Variants in OFD1 observed in about 807,000 individuals in gnomAD.
OFD1 encodes centriole and centriolar satellite protein OFD1.
Under a neutral mutation model 81.4 loss-of-function variants are expected in OFD1, and 12 were observed. The observed-to-expected ratio is 0.15, with a 90% CI of 0.09 to 0.24. The LOEUF is 0.24. Among genes scored for constraint, OFD1 ranks in the 10% least tolerant of loss-of-function variants. The pLI, the probability that OFD1 is intolerant of heterozygous loss-of-function variation, is 1.00. For missense variants in OFD1, 685 were observed against 733.9 expected, an observed-to-expected ratio of 0.93 and a Z score of 0.77; for synonymous variants, 256 against 263.7, an observed-to-expected ratio of 0.97 and a Z score of 0.28.
chrX:13,752,967 G>A, intron 10 of OFD1: 1 of 902,733 alleles, frequency 1.1e-6, no homozygotes, highest in African/African-American at 2.1e-5. Context: ...TTGGTTGGGG[G>A]TGGGCAGATG....
intron 3 of OFD1, among the ~76,000 whole-genome samples, chrX:13,738,112 G>T (rs2046944155): frequency 8.9e-6 from 1 of 112,253 alleles, no homozygotes; most frequent in Non-Finnish European, 1.9e-5. Flanking sequence ...ATCTCCCAAA[G>T]AGCTGGGATA....
chrX:13,768,373 C>CT, intron 21 of OFD1, 149 bp downstream of exon 21: 3 of 503,558 alleles, frequency 6.0e-6, no homozygotes, highest in Non-Finnish European at 1.0e-5. Context: ...AACCTTGAGT[C>CT]TTTTAAATAT....
In OFD1 at chrX:13,734,770, C is replaced by T. The variant is rs903619265; in HGVS notation, c.-302C>T. 16 of 1,056,966 alleles carry T rather than the reference C, an allele frequency of 1.5e-5. No homozygotes were observed. The highest frequency in any genetic ancestry group is 1.2e-4 in the Admixed American group (3 of 24,048). The allele number at this position is 1,056,966 out of a possible 1,213,427, so 87.1% of individuals were successfully genotyped here. On this transcript the variant is annotated 5_prime_UTR_variant, in exon 1 of 23. Coordinates refer to ENST00000340096, the MANE Select transcript of OFD1 (RefSeq NM_003611.3). ...CGGACTGGCTGTGAGGCGGTCCTGC[C>T]TCGCTGCCTTCAGTCCCTAGTGTCT...
At position 13,744,496 on chromosome X, in the gene OFD1, C is replaced by T. The variant is rs756793358; in HGVS notation, c.494C>T (p.Ser165Leu). Residue 165 changes from serine to leucine, a missense_variant, in exon 6 of 23, where the codon TCG (serine) becomes TTG (leucine). By Grantham distance (145) the Ser-to-Leu change is moderately radical (BLOSUM62 -2). Around this residue, in one of 3 missense-constraint regions of OFD1, gnomAD observed 414 missense variants for 447.2 expected, o/e 0.93. Coordinates refer to ENST00000340096, the MANE Select transcript of OFD1 (RefSeq NM_003611.3). ...TGTAATATGGAAACTCAGACAAGTTCGACATTTAACAGAGATTCTCTGGGT... is the reference window on the plus strand; with the variant it reads ...TGTAATATGGAAACTCAGACAAGTTTGACATTTAACAGAGATTCTCTGGGT... The part of the protein sequence containing the change: ...ESCNMETQTS[S>L]TFNRDSLAEK... The T allele has an allele frequency of 1.8e-5, 21 of 1,143,326 alleles. No homozygotes were observed. Among genetic ancestry groups the T allele is most frequent in the South Asian group, 5.4e-5 (3 of 55,318 alleles). 94.2% of individuals were successfully genotyped at this position (1,143,326 alleles called of 1,213,427 possible). A position where few individuals can be genotyped will look rare whatever the true frequency, so the allele number is the denominator to read the frequency against.
intron 15 of OFD1, among the ~76,000 whole-genome samples, chrX:13,759,194 G>A (rs1435777022): frequency 8.9e-6 from 1 of 111,956 alleles, no homozygotes; most frequent in African/African-American, 3.3e-5. Context: ...CTGGGTCTGA[G>A]CCTTCCTTGT....
intron 5 of OFD1, 24 bp downstream of exon 5, chrX:13,739,056 G>A (rs2046985260): frequency 8.5e-7 from 1 of 1,180,659 alleles, no homozygotes; most frequent in Non-Finnish European, 1.1e-6. Flanking sequence ...TCTTTGTAGA[G>A]AACAGCAACA....
At chrX:13,770,747 G>GC (rs2048280340), downstream of OFD1, among the ~76,000 whole-genome samples, 1 of 111,991 alleles carries the variant, frequency 8.9e-6, no homozygotes, top group African/African-American at 3.2e-5. Flanking sequence ...GCACTTTTAT[G>GC]CCCAATACAG....
chrX:13,729,960 TAAA>T (rs974272291), upstream of OFD1, among the ~76,000 whole-genome samples: 4 of 111,154 alleles, frequency 3.6e-5, no homozygotes, highest in African/African-American at 1.3e-4. Flanking sequence ...CCTAAAACCA[TAAA>T]AACTCTAGAG....
At chrX:13,742,676 A>G (rs1369817227) in intron 5 of OFD1, among the ~76,000 whole-genome samples, 1 of 110,789 alleles carries the variant, frequency 9.0e-6, no homozygotes, top group Non-Finnish European at 1.9e-5. Context: ...GGCGCCTGCC[A>G]CCACGCCTGG....
At chrX:13,755,968 T>TTTTTTTTTTTTTTTTTTG (rs1298406528) in intron 12 of OFD1, among the ~76,000 whole-genome samples, 1 of 96,935 alleles carries the variant, frequency 1.0e-5, no homozygotes, top group African/African-American at 4.1e-5. Context: ...TTTTTTTTTT[T>TTTTTTTTTTTTTTTTTTG]GAGACAGAGT....
intron 10 of OFD1, among the ~76,000 whole-genome samples, chrX:13,752,415 T>TATTG (rs767082101): frequency 2.7e-5 from 3 of 112,555 alleles, no homozygotes; most frequent in African/African-American, 9.7e-5. Context: ...TGGCCTCTTT[T>TATTG]ATTGCCTTTC....
chrX:13,763,801 A>G lies in OFD1; in HGVS notation c.2545A>G (p.Met849Val), dbSNP rs769271301. ...EMGGLSPAGD[M>V]SHVDAAAAAV... ...GGGCGGGCTTTCTCCTGCCGGGGAT[A>G]TGTCTCATGTGGACGCTGCTGCAGC... The change falls in exon 19 of 23, where the codon ATG becomes GTG. Residue 849 changes from methionine (M) to valine (V), a missense_variant. Physicochemically the swap from Met to Val is conservative, Grantham distance 21. Around this residue, in one of 3 missense-constraint regions of OFD1, gnomAD observed 259 missense variants for 254.4 expected, o/e 1.02. Coordinates refer to ENST00000340096, the MANE Select transcript of OFD1 (RefSeq NM_003611.3). 3.3e-6 allele frequency: 4 copies of G among 1,211,267 alleles called. No homozygotes were observed. The highest frequency in any genetic ancestry group is 4.5e-6 in the Non-Finnish European group (4 of 895,341).
rs762758503 is a variant in OFD1, at chrX:13,736,595, T to C, written c.229T>C (p.Leu77=). The change falls in exon 3 of 23, where the codon TTA becomes CTA. Residue 77 remains leucine (L), a synonymous_variant. Transcript: ENST00000340096. ...SSLLIGASNS[L]VADHLQRCGY... ...CCTCTTAATAGGCGCCTCTAACTCT[T>C]TAGTGGCAGATCACTTACAAAGATG... 2.1e-5 allele frequency: 25 copies of C among 1,208,628 alleles called. No homozygotes were observed. In the South Asian group the frequency reaches 4.4e-4, roughly 21 times the overall value.
downstream of OFD1, chrX:13,772,795 G>T: frequency 1.1e-6 from 1 of 896,399 alleles, no homozygotes; most frequent in Non-Finnish European, 1.6e-6. Context: ...CATTAGTTTG[G>T]TGGGATACAC....
intron 5 of OFD1, among the ~76,000 whole-genome samples, chrX:13,742,169 C>G (rs2047131205): frequency 8.9e-6 from 1 of 112,093 alleles, no homozygotes; most frequent in Non-Finnish European, 1.9e-5. Flanking sequence ...TCCAGAAATA[C>G]ATCCACACAA....
chrX:13,768,933 G>A, intron 22 of OFD1, 133 bp from the exon 23 acceptor site: 1 of 756,410 alleles, frequency 1.3e-6, no homozygotes, highest in Admixed American at 2.3e-5. Context: ...TTTTTGACTT[G>A]TGAAATTGAT....
chrX:13,731,853 A>G (rs1407351387), upstream of OFD1, among the ~76,000 whole-genome samples: 2 of 112,337 alleles, frequency 1.8e-5, no homozygotes, highest in East Asian at 2.8e-4. Flanking sequence ...ACATTCAAAG[A>G]TAACACCAAG....
intron 6 of OFD1, 28 bp from the exon 7 acceptor site, chrX:13,746,291 C>T (rs750142500): frequency 2.3e-5 from 28 of 1,196,722 alleles, no homozygotes; most frequent in Admixed American, 4.4e-5. Flanking sequence ...GTTTCTATGT[C>T]CTAATTTGAT....
rs756478997 is a variant in OFD1 at position 13,757,739 on chromosome X, TGAG to T, written c.1495_1497del (p.Glu499del). ...CCGAAAAGGCTATAGTGGTTGAGCA[TGAG>T]GAGTTCGAAAGCTGCAGGCAAGCTC... On this transcript the variant is annotated inframe_deletion, in exon 14 of 23. Coordinates refer to ENST00000340096, the MANE Select transcript of OFD1 (RefSeq NM_003611.3). The T allele has an allele frequency of 1.7e-6, 2 of 1,210,933 alleles. No homozygotes were observed. The highest frequency in any genetic ancestry group is 2.2e-6 in the Non-Finnish European group (2 of 895,162).
Sources: allele counts gnomAD v4.1 joint callset (sites outside exome capture counted in the v4.1 genomes callset), GRCh38; gene constraint gnomAD v4.1.1; regional missense constraint gnomAD v4.1.1; transcripts MANE v1.5; gene names NCBI Gene and HGNC (gene_info 2026-07-23, HGNC 2026-07-21).